PDE4D: variants seen among roughly 807,000 people sequenced by gnomAD.
PDE4D encodes 3',5'-cyclic-AMP phosphodiesterase 4D.
In PDE4D, 24 loss-of-function variants were observed where a neutral mutation model predicts 87.4. That is an observed-to-expected ratio of 0.27 (90% CI 0.20 to 0.39). The LOEUF is 0.39. Ranked by LOEUF, PDE4D falls within the 10% of genes least tolerant of loss-of-function variation. The pLI is 1.00. For synonymous variants in PDE4D, 384 were observed against 383.2 expected, an observed-to-expected ratio of 1.00 and a Z score of -0.02; for missense variants, 714 against 1,041.0, an observed-to-expected ratio of 0.69 and a Z score of 4.32.
rs115154219 is a variant in PDE4D, at chr5:59,705,823, T to C, written c.455+187345A>G. On this transcript the variant is annotated intron_variant, in intron 1 of 14. Coordinates refer to ENST00000340635, the MANE Select transcript of PDE4D (RefSeq NM_001104631.2). The stretch of plus-strand genomic sequence containing the variant: ...GTAATCCATTGATCACTTCTTACTT[T>C]GATCTCTACTTATCCTCTTGTAGGA... 2.1e-3 allele frequency among the ~76,000 whole-genome samples: 318 copies of C among 152,304 alleles called. 1 individual carries two copies. The highest frequency in any genetic ancestry group is 7.4e-3 in the African/African-American group (309 of 41,574).
intron 1 of PDE4D, among the ~76,000 whole-genome samples, chr5:60,268,681 A>T (rs1383700921): frequency 3.3e-5 from 5 of 152,224 alleles, no homozygotes; most frequent in Non-Finnish European, 5.9e-5. Context: ...CATTGTGCTT[A>T]CTATCAAAAA....
intron 1 of PDE4D, among the ~76,000 whole-genome samples, chr5:60,331,356 A>G (rs527279164): frequency 6.6e-6 from 1 of 152,328 alleles, no homozygotes; most frequent in Admixed American, 6.5e-5. Context: ...AACGCACCTA[A>G]GAAAAGCCCT....
intron 1 of PDE4D, among the ~76,000 whole-genome samples, chr5:59,650,558 A>C (rs1249046860): frequency 6.6e-6 from 1 of 152,140 alleles, no homozygotes; most frequent in Non-Finnish European, 1.5e-5. Context: ...ATCTTAAAAG[A>C]CTCAGCAGCC....
intron 5 of PDE4D, among the ~76,000 whole-genome samples, chr5:59,102,501 AAAC>A (rs1770927892): frequency 6.6e-6 from 1 of 152,238 alleles, no homozygotes; most frequent in African/African-American, 2.4e-5. Flanking sequence ...TTAAAAATAT[AAAC>A]AATTTAAAAA....
At chr5:59,910,972 G>T (rs1753376956) in intron 3 of PDE4D, among the ~76,000 whole-genome samples, 1 of 152,186 alleles carries the variant, frequency 6.6e-6, no homozygotes. Flanking sequence ...TTATGACAGA[G>T]AAAGAGATAT....
chr5:59,090,737 A>G (rs1768549655), intron 5 of PDE4D, among the ~76,000 whole-genome samples: 1 of 151,850 alleles, frequency 6.6e-6, no homozygotes, highest in African/African-American at 2.4e-5. Context: ...TATATTCTAC[A>G]GAGTCTCAGA....
intron 5 of PDE4D, among the ~76,000 whole-genome samples, chr5:59,143,461 T>A (rs536209145): frequency 1.3e-5 from 2 of 152,308 alleles, no homozygotes; most frequent in Admixed American, 6.5e-5. Flanking sequence ...CCTGACCCAG[T>A]CTGGACTTCA....
At chr5:59,341,348 C>CG (rs1392901465) in intron 1 of PDE4D, among the ~76,000 whole-genome samples, 1 of 152,094 alleles carries the variant, frequency 6.6e-6, no homozygotes, top group Non-Finnish European at 1.5e-5. Flanking sequence ...TAAATCCACA[C>CG]GAGAGCTCCG....
intron 1 of PDE4D, among the ~76,000 whole-genome samples, chr5:60,469,058 T>A (rs967055689): frequency 1.3e-5 from 2 of 152,174 alleles, no homozygotes; most frequent in African/African-American, 4.8e-5. Context: ...GCCAATCTGC[T>A]TAAGGGAATA....
At chr5:59,264,650 C>T (rs1243948912) in intron 1 of PDE4D, among the ~76,000 whole-genome samples, 1 of 151,960 alleles carries the variant, frequency 6.6e-6, no homozygotes, top group Non-Finnish European at 1.5e-5. Context: ...AGCTGGTGAA[C>T]TCCACCCTCA....
chr5:60,077,556 C>A (rs1353840554), intron 2 of PDE4D, among the ~76,000 whole-genome samples: 1 of 152,154 alleles, frequency 6.6e-6, no homozygotes, highest in Non-Finnish European at 1.5e-5. Context: ...GAGAGGCCAG[C>A]AGACCAAGGG....
At chr5:59,564,257 T>G (rs1284046135) in intron 1 of PDE4D, among the ~76,000 whole-genome samples, 2 of 152,112 alleles carry the variant, frequency 1.3e-5, no homozygotes, top group African/African-American at 2.4e-5. Context: ...ATTATCCAAC[T>G]AGGGAGAGAT....
chr5:59,705,976 A>T (rs1183342593), intron 1 of PDE4D, among the ~76,000 whole-genome samples: 1 of 152,226 alleles, frequency 6.6e-6, no homozygotes, highest in Non-Finnish European at 1.5e-5. Flanking sequence ...TAGTGCTACC[A>T]ATCTCAAAAT....
intron 1 of PDE4D, among the ~76,000 whole-genome samples, chr5:59,483,724 ACAACCTGCTAAGGCTG>A (rs1286922715): frequency 3.3e-5 from 5 of 152,256 alleles, no homozygotes; most frequent in African/African-American, 7.2e-5. Context: ...CAAAGACAGC[ACAACCTGCTAAGGCTG>A]CAACCTGCTA....
At chr5:60,474,110 A>ATATATATGTG (rs1463821243) in intron 1 of PDE4D, among the ~76,000 whole-genome samples, 697 of 65,956 alleles carry the variant, frequency 0.011, 23 homozygotes, top group East Asian at 0.032. Context: ...GCTGCCATAT[A>ATATATATGTG]TATATATATA....
intron 9 of PDE4D, among the ~76,000 whole-genome samples, chr5:58,990,155 G>A (rs1235818055): frequency 6.6e-6 from 1 of 152,152 alleles, no homozygotes; most frequent in Non-Finnish European, 1.5e-5. Context: ...CGCCCTAGCT[G>A]TATGGTGTCA....
At chr5:59,756,021 AT>A (rs1249260443) in intron 1 of PDE4D, among the ~76,000 whole-genome samples, 3 of 151,428 alleles carry the variant, frequency 2.0e-5, no homozygotes, top group African/African-American at 7.3e-5. Flanking sequence ...ATTTAACTGT[AT>A]AAAAATATTT....
At chr5:60,054,231 C>T (rs1214818713) in intron 2 of PDE4D, among the ~76,000 whole-genome samples, 1 of 152,118 alleles carries the variant, frequency 6.6e-6, no homozygotes, top group African/African-American at 2.4e-5. Flanking sequence ...AAGACACATG[C>T]ACATGTATGT....
In PDE4D at chr5:60,166,133, C is replaced by T. The variant is rs571345791; in HGVS notation, c.42+19424G>A. Among the ~76,000 whole-genome samples, 6 of 152,242 alleles carry T rather than the reference C, an allele frequency of 3.9e-5. No homozygotes were observed. The East Asian group carries it at 5.8e-4, about 15-fold the overall frequency. ...TATTTGAGACTGAGTCTTGCTCTGTCGCCCAGGCTGGAGTGCAGTGGCACG... is the reference window on the plus strand; with the variant it reads ...TATTTGAGACTGAGTCTTGCTCTGTTGCCCAGGCTGGAGTGCAGTGGCACG... On this transcript the variant is annotated intron_variant, in intron 2 of 16. Transcript: ENST00000502484.
Sources: allele counts gnomAD v4.1 joint callset (sites outside exome capture counted in the v4.1 genomes callset), GRCh38; gene constraint gnomAD v4.1.1; transcripts MANE v1.5; gene names NCBI Gene and HGNC (gene_info 2026-07-23, HGNC 2026-07-21).